The following ATG7 variants were observed in gnomAD, a reference collection of about 807,000 sequenced individuals.
The protein encoded by ATG7 is ubiquitin-like modifier-activating enzyme ATG7.
A neutral mutation model predicts 82.4 loss-of-function variants in ATG7; 70 were observed. The observed-to-expected ratio is 0.85, with a 90% CI of 0.70 to 1.04. ATG7 has a LOEUF of 1.04. ATG7 is among the 50% of genes least tolerant of loss of function. The probability of loss-of-function intolerance (pLI) is 0.00; values close to 1 mark genes in which losing one functional copy is unlikely to be tolerated. For synonymous variants in ATG7, 287 were observed against 313.0 expected, an observed-to-expected ratio of 0.92 and a Z score of 0.88; for missense variants, 792 against 864.3, an observed-to-expected ratio of 0.92 and a Z score of 1.05.
At chr3:11,325,084 G>T (rs1232791370) in intron 9 of ATG7, among the ~76,000 whole-genome samples, 1 of 152,152 alleles carries the variant, frequency 6.6e-6, no homozygotes, top group Non-Finnish European at 1.5e-5. Flanking sequence ...TGCTCTCCAG[G>T]TTTCTAGCCT....
intron 20 of ATG7, among the ~76,000 whole-genome samples, chr3:11,497,874 A>G (rs1448331154): frequency 6.6e-6 from 1 of 152,164 alleles, no homozygotes; most frequent in Non-Finnish European, 1.5e-5. Context: ...GTTGACATAA[A>G]TGGTTCACGA....
At chr3:11,336,309 C>G (rs1346933754) in intron 11 of ATG7, among the ~76,000 whole-genome samples, 5 of 152,074 alleles carry the variant, frequency 3.3e-5, no homozygotes, top group Non-Finnish European at 5.9e-5. Flanking sequence ...GCTAGGATTA[C>G]AGGCGTGAGT....
At chr3:11,317,301 G>C (rs1343477171) in intron 9 of ATG7, among the ~76,000 whole-genome samples, 1 of 152,172 alleles carries the variant, frequency 6.6e-6, no homozygotes, top group Non-Finnish European at 1.5e-5. Context: ...TAGCAGGCAG[G>C]ATTAAATGGC....
At chr3:11,481,872 G>C (rs377203710) in intron 20 of ATG7, among the ~76,000 whole-genome samples, 2 of 152,192 alleles carry the variant, frequency 1.3e-5, no homozygotes, top group Non-Finnish European at 2.9e-5. Flanking sequence ...GAAGGCCAAA[G>C]GCCTTTGGCC....
intron 9 of ATG7, 110 bp from the exon 10 acceptor site, chr3:11,331,230 T>C (rs1013847922): frequency 6.7e-6 from 6 of 895,090 alleles, no homozygotes; most frequent in African/African-American, 1.7e-5. Context: ...ATGTTTAATT[T>C]TTAAGGCTTT....
At chr3:11,356,193 C>T (rs1270615749) in intron 14 of ATG7, among the ~76,000 whole-genome samples, 1 of 152,182 alleles carries the variant, frequency 6.6e-6, no homozygotes, top group Non-Finnish European at 1.5e-5. Flanking sequence ...GTTCTGGCGT[C>T]ATGAAAATGT....
intron 20 of ATG7, among the ~76,000 whole-genome samples, chr3:11,538,688 AAAAAAAAAAAAAAAAAAATTAGCC>A (rs1162301671): frequency 7.1e-6 from 1 of 140,522 alleles, no homozygotes; most frequent in African/African-American, 2.7e-5. Flanking sequence ...AAAAAAAAAA[AAAAAAAAAAAAAAAAAAATTAGCC>A]AAAAAAAAAA....
chr3:11,361,254 A>C, intron 16 of ATG7, among the ~76,000 whole-genome samples: 1 of 151,710 alleles, frequency 6.6e-6, no homozygotes, highest in Non-Finnish European at 1.5e-5. Flanking sequence ...TAGGATTCCC[A>C]GCTAACTTTG....
At chr3:11,334,653 G>A (rs766033297) in intron 11 of ATG7, among the ~76,000 whole-genome samples, 2 of 151,668 alleles carry the variant, frequency 1.3e-5, no homozygotes, top group Non-Finnish European at 2.9e-5. Flanking sequence ...TGATGGGGGA[G>A]GTGGTGTCAA....
At chr3:11,378,904 G>A (rs975449716) in intron 18 of ATG7, among the ~76,000 whole-genome samples, 1 of 152,026 alleles carries the variant, frequency 6.6e-6, no homozygotes, top group Non-Finnish European at 1.5e-5. Flanking sequence ...GGTGTTAATA[G>A]GATGGCTAAA....
intron 13 of ATG7, among the ~76,000 whole-genome samples, chr3:11,347,226 C>G (rs1483236657): frequency 6.6e-6 from 1 of 152,122 alleles, no homozygotes; most frequent in Admixed American, 6.6e-5. Context: ...AGTAATTGGA[C>G]CAAGGATTTT....
At chr3:11,515,202 A>G (rs1036206816) in intron 20 of ATG7, among the ~76,000 whole-genome samples, 3 of 152,194 alleles carry the variant, frequency 2.0e-5, no homozygotes, top group Admixed American at 6.5e-5. Flanking sequence ...TTTTAATTCA[A>G]GAAAAGGGAC....
chr3:11,374,505 T>C (rs577656333), intron 18 of ATG7, among the ~76,000 whole-genome samples: 10 of 152,292 alleles, frequency 6.6e-5, no homozygotes, highest in African/African-American at 2.4e-4. Flanking sequence ...TAAATCTTTA[T>C]GAACTTGGAT....
chr3:11,518,624 A>G (rs553442954), intron 20 of ATG7, among the ~76,000 whole-genome samples: 1 of 152,206 alleles, frequency 6.6e-6, no homozygotes, highest in South Asian at 2.1e-4. Flanking sequence ...TTTCTTTGCT[A>G]CATCAGACTT....
At position 11,451,802 on chromosome 3, in the gene ATG7, AAT is replaced by A. The variant is rs1408570129; in HGVS notation, c.2079+24877_2079+24878del. Among the ~76,000 whole-genome samples the A allele has an allele frequency of 7.1e-3, 878 of 123,028 alleles. 15 individuals carry two copies. The highest frequency in any genetic ancestry group is 0.029 in the African/African-American group (847 of 29,312). The allele number at this position is 123,028 out of a possible 152,430, so 80.7% of individuals were successfully genotyped here. A position where few individuals can be genotyped will look rare whatever the true frequency, so the allele number is the denominator to read the frequency against. ...TATAGTCTCAAAAAAAAAAAAAACA[AAT>A]TAAAAAAACCCCAGGCTGCCCTGTC... is the stretch of plus-strand genomic sequence containing the variant. On this transcript the variant is annotated intron_variant, in intron 20 of 20. Coordinates refer to ENST00000693202, the MANE Select transcript of ATG7 (RefSeq NM_001349232.2).
chr3:11,541,756 G>A (rs1575258873), intron 20 of ATG7, among the ~76,000 whole-genome samples: 1 of 152,150 alleles, frequency 6.6e-6, no homozygotes, highest in African/African-American at 2.4e-5. Context: ...GCCCTTTGAG[G>A]TAGAGAACAA....
intron 17 of ATG7, among the ~76,000 whole-genome samples, chr3:11,363,611 G>T (rs964775048): frequency 1.3e-5 from 2 of 152,190 alleles, no homozygotes; most frequent in Non-Finnish European, 2.9e-5. Context: ...TCGCAGTTTT[G>T]ATGGGGAAAT....
At chr3:11,515,251 C>G (rs371036807) in intron 20 of ATG7, among the ~76,000 whole-genome samples, 1 of 152,040 alleles carries the variant, frequency 6.6e-6, no homozygotes, top group East Asian at 1.9e-4. Flanking sequence ...GTTCATGTCT[C>G]AACTGAGAGG....
chr3:11,425,550 A>G (rs921482202), intron 19 of ATG7, among the ~76,000 whole-genome samples: 10 of 152,238 alleles, frequency 6.6e-5, no homozygotes, highest in African/African-American at 2.4e-4. Context: ...TCAGCGTTCT[A>G]CGTTTCACAG....
Sources: gnomAD v4.1 joint callset for allele counts (sites outside exome capture counted in the v4.1 genomes callset) on GRCh38, gnomAD v4.1.1 for gene constraint, MANE v1.5 for transcripts, NCBI Gene and HGNC (gene_info 2026-07-23, HGNC 2026-07-21) for gene names.